Variants in NR2C2 observed in about 807,000 individuals in gnomAD.
NR2C2 encodes the protein Nuclear hormone receptor TR4.
Under a neutral mutation model 62.9 loss-of-function variants are expected in NR2C2, and 6 were observed. The ratio of observed to expected loss-of-function variants is 0.10; its 90% CI spans 0.05 to 0.19. The LOEUF (loss-of-function observed/expected upper bound fraction) is 0.19. Among genes scored for constraint, NR2C2 ranks in the 10% least tolerant of loss-of-function variants. The pLI is 1.00. For synonymous variants in NR2C2, 272 were observed against 273.8 expected (o/e 0.99, Z 0.07); for missense variants, 479 against 762.7 (o/e 0.63, Z 4.38).
chr3:14,994,977 CTTTTTTT>C (rs71038447), intron 1 of NR2C2, among the ~76,000 whole-genome samples: 5 of 104,150 alleles, frequency 4.8e-5, no homozygotes, highest in African/African-American at 8.0e-5. Context: ...ATACAATTCA[CTTTTTTT>C]TTTTTTTTTT....
At chr3:15,021,845 C>G (rs767081125) in intron 5 of NR2C2, among the ~76,000 whole-genome samples, 2 of 152,204 alleles carry the variant, frequency 1.3e-5, no homozygotes, top group Non-Finnish European at 2.9e-5. Flanking sequence ...CCACAAAATT[C>G]ACTGGAGAAT....
At chr3:14,997,873 A>G (rs894965197) in intron 1 of NR2C2, among the ~76,000 whole-genome samples, 1 of 152,208 alleles carries the variant, frequency 6.6e-6, no homozygotes, top group Admixed American at 6.5e-5. Flanking sequence ...GTATGCAACC[A>G]TCACCACTAT....
In NR2C2 at chr3:15,043,563, A is replaced by T. The variant is rs2042347513; in HGVS notation, c.*555A>T. The T allele has an allele frequency of 6.5e-6, 1 of 152,692 alleles. No homozygotes were observed. The highest frequency in any genetic ancestry group is 1.5e-5 in the Non-Finnish European group (1 of 68,048). The allele number at this position is 152,692 out of a possible 1,614,324, so 9.5% of individuals were successfully genotyped here. A position where few individuals can be genotyped will look rare whatever the true frequency, so the allele number is the denominator to read the frequency against. ...ACTAGGGTACAGGAGACAATCATTTATGTTTAAGAAAAGAAGGCATCATTC... is the reference window on the plus strand; with the variant it reads ...ACTAGGGTACAGGAGACAATCATTTTTGTTTAAGAAAAGAAGGCATCATTC... On this transcript the variant is annotated 3_prime_UTR_variant, in exon 14 of 14. Coordinates refer to ENST00000425241, the MANE Select transcript of NR2C2 (RefSeq NM_001291694.2).
chr3:15,037,568 A>C (rs1434630581), intron 11 of NR2C2, among the ~76,000 whole-genome samples: 1 of 152,210 alleles, frequency 6.6e-6, no homozygotes, highest in Non-Finnish European at 1.5e-5. Flanking sequence ...ACATAGTAAG[A>C]CACCCAACTC....
At chr3:15,006,250 T>G (rs2124944898) in intron 2 of NR2C2, among the ~76,000 whole-genome samples, 1 of 152,224 alleles carries the variant, frequency 6.6e-6, no homozygotes, top group East Asian at 1.9e-4. Context: ...GAGCTAAAAT[T>G]TATACTTAAG....
chr3:14,982,518 AT>A lies in NR2C2; in HGVS notation c.-39-21350del, dbSNP rs528612035. ...TTTCAATTTATTTAAGTTTTCTTTGATTTTTTTTCTGCAAAAATTAAGCACG... is the reference window on the plus strand; with the variant it reads ...TTTCAATTTATTTAAGTTTTCTTTGATTTTTTTCTGCAAAAATTAAGCACG... On this transcript the variant is annotated intron_variant, in intron 1 of 13. Transcript: ENST00000425241. Among the ~76,000 whole-genome samples the A allele has an allele frequency of 5.8e-3, 878 of 151,704 alleles. 10 individuals are homozygous for A. The highest frequency in any genetic ancestry group is 0.02 in the African/African-American group (829 of 41,350).
In NR2C2 at chr3:15,044,159, G is replaced by A. The variant is rs1425694875; in HGVS notation, c.*1151G>A. 1 of 152,270 alleles carries A rather than the reference G, an allele frequency of 6.6e-6. No individual in the cohort carries two copies. The highest frequency in any genetic ancestry group is 2.4e-5 in the African/African-American group (1 of 41,450). The allele number at this position is 152,270 out of a possible 1,614,324, so 9.4% of individuals were successfully genotyped here. A position where few individuals can be genotyped will look rare whatever the true frequency, so the allele number is the denominator to read the frequency against. On this transcript the variant is annotated 3_prime_UTR_variant, in exon 14 of 14. Coordinates refer to ENST00000425241, the MANE Select transcript of NR2C2 (RefSeq NM_001291694.2). ...GCTGGGCAGGAGCCTGCTGCCGCCT[G>A]GCGAGAGTGGTTAGGGCCTGGTAAA...
chr3:14,967,766 C>T (rs1399268684), intron 1 of NR2C2, among the ~76,000 whole-genome samples: 1 of 152,178 alleles, frequency 6.6e-6, no homozygotes, highest in Non-Finnish European at 1.5e-5. Context: ...ACCAAAACAG[C>T]ATGGTATTGG....
intron 2 of NR2C2, among the ~76,000 whole-genome samples, chr3:15,004,854 A>T (rs1476327182): frequency 6.6e-6 from 1 of 152,178 alleles, no homozygotes; most frequent in Non-Finnish European, 1.5e-5. Context: ...GATCTTAGCC[A>T]AAAGGTCGAG....
chr3:14,983,872 T>A (rs746329136), intron 1 of NR2C2, among the ~76,000 whole-genome samples: 1 of 152,028 alleles, frequency 6.6e-6, no homozygotes, highest in African/African-American at 2.4e-5. Context: ...CATCCTTGTT[T>A]TGTATTTTTT....
intron 1 of NR2C2, among the ~76,000 whole-genome samples, chr3:14,979,871 T>G (rs2040314605): frequency 6.6e-6 from 1 of 151,904 alleles, no homozygotes; most frequent in Admixed American, 6.6e-5. Context: ...GGGGAGGTAT[T>G]GGAGAGTTTT....
At chr3:15,023,622 A>C (rs1178614758) in intron 6 of NR2C2, among the ~76,000 whole-genome samples, 2 of 152,192 alleles carry the variant, frequency 1.3e-5, no homozygotes, top group Non-Finnish European at 2.9e-5. Flanking sequence ...TTATTTTATG[A>C]TTCAAGATTG....
intron 1 of NR2C2, among the ~76,000 whole-genome samples, chr3:14,964,651 A>G (rs564521141): frequency 6.6e-6 from 1 of 150,660 alleles, no homozygotes; most frequent in East Asian, 1.9e-4. Context: ...AATAGCTGGG[A>G]CTACAGGCGC....
At chr3:14,969,145 A>G (rs1574940665) in intron 1 of NR2C2, among the ~76,000 whole-genome samples, 1 of 152,244 alleles carries the variant, frequency 6.6e-6, no homozygotes, top group Non-Finnish European at 1.5e-5. Flanking sequence ...GTAATAATAA[A>G]TTAAAAAAAG....
rs2041310822 is a variant in NR2C2, at chr3:15,010,209, G to T, written c.73-3380G>T. 2.0e-5 allele frequency among the ~76,000 whole-genome samples: 3 copies of T among 152,190 alleles called. No homozygotes were observed. The South Asian group carries it at 6.2e-4, about 32-fold the overall frequency. On this transcript the variant is annotated intron_variant, in intron 2 of 13. Transcript: ENST00000425241. The stretch of plus-strand genomic sequence containing the variant: ...GGTCATTAAATAGGAATCTATCTGT[G>T]TTTGTTAACAAGGTCTTGCCTAATG...
intron 1 of NR2C2, among the ~76,000 whole-genome samples, chr3:14,983,207 A>G (rs1341086893): frequency 6.6e-6 from 1 of 151,666 alleles, no homozygotes; most frequent in Non-Finnish European, 1.5e-5. Flanking sequence ...GATCTTATTT[A>G]TTGTATCTAA....
chr3:14,994,341 C>T (rs956039362), intron 1 of NR2C2, among the ~76,000 whole-genome samples: 3 of 151,934 alleles, frequency 2.0e-5, no homozygotes, highest in Non-Finnish European at 4.4e-5. Context: ...TCTCCTTATG[C>T]CCCCTCCCAA....
chr3:15,041,521 T>C (rs1387973612), intron 13 of NR2C2, among the ~76,000 whole-genome samples: 1 of 152,132 alleles, frequency 6.6e-6, no homozygotes, highest in African/African-American at 2.4e-5. Flanking sequence ...ATTTAGAATG[T>C]TCTAGAAAGG....
chr3:15,039,718 A>G (rs2042200829), intron 13 of NR2C2, among the ~76,000 whole-genome samples: 1 of 152,252 alleles, frequency 6.6e-6, no homozygotes, highest in Non-Finnish European at 1.5e-5. Context: ...TCTTATTGAC[A>G]GAAATCAAAT....
Sources: gnomAD v4.1 joint callset for allele counts (sites outside exome capture counted in the v4.1 genomes callset) on GRCh38, gnomAD v4.1.1 for gene constraint, MANE v1.5 for transcripts, NCBI Gene and HGNC (gene_info 2026-07-23, HGNC 2026-07-21) for gene names.